The following SSH1 variants were observed in gnomAD, a reference collection of about 807,000 sequenced individuals.
SSH1 encodes slingshot protein phosphatase 1, also known as protein phosphatase Slingshot homolog 1.
SSH1 carries 43 observed loss-of-function variants against 79.7 expected under a neutral mutation model. That is an observed-to-expected ratio of 0.54 (90% CI 0.42 to 0.70). The LOEUF (loss-of-function observed/expected upper bound fraction) is 0.70, where lower values mean the gene tolerates loss of function less well. SSH1 is among the 30% of genes least tolerant of loss of function. SSH1 has a pLI of 0.00. For missense variants in SSH1, 1,206 were observed against 1,358.8 expected (o/e 0.89, Z 1.77); for synonymous variants, 599 against 538.3 (o/e 1.11, Z -1.56).
rs1054686623 is a variant in SSH1, at chr12:108,778,473, G to A, written c.*9515C>T. ...TCCTGGCTGTGTGTCCCTGACCCAC[G>A]TTACCTAACCTCTCTGAGCATCCAC... On this transcript the variant is annotated 3_prime_UTR_variant, in exon 15 of 15. Coordinates refer to ENST00000326495, the MANE Select transcript of SSH1 (RefSeq NM_018984.4). 2.0e-5 allele frequency: 3 copies of A among 152,276 alleles called. No individual in the cohort carries two copies. Among genetic ancestry groups the A allele is most frequent in the Admixed American group, 6.5e-5 (1 of 15,286 alleles). The allele number at this position is 152,276 out of a possible 1,614,324, so 9.4% of individuals were successfully genotyped here. A position where few individuals can be genotyped will look rare whatever the true frequency, so the allele number is the denominator to read the frequency against.
chr12:108,847,721 G>A (rs1468501744), intron 2 of SSH1, among the ~76,000 whole-genome samples: 1 of 152,162 alleles, frequency 6.6e-6, no homozygotes, highest in Non-Finnish European at 1.5e-5. Flanking sequence ...GCCTTCCAAA[G>A]TGCTGGGATT....
chr12:108,805,062 A>C lies in SSH1; in HGVS notation c.948T>G (p.Leu316=). 2 of 1,614,158 alleles carry C rather than the reference A, an allele frequency of 1.2e-6. No individual in the cohort carries two copies. Among genetic ancestry groups the C allele is most frequent in the South Asian group, 1.1e-5 (1 of 91,082 alleles). ...MDKPSLIFDH[L]YLGSEWNASN... is the part of the protein sequence containing the mutation. ...CCAGGGCCATGCCTCTTACGAGATA[A>C]AGATGATCGAAGATAAGGGAGGGCT... The change falls in exon 10 of 15, where the codon CTT becomes CTG. Residue 316 remains leucine, a synonymous_variant. Coordinates refer to ENST00000326495, the MANE Select transcript of SSH1 (RefSeq NM_018984.4).
At chr12:108,803,919 ACT>A (rs894726590) in intron 10 of SSH1, among the ~76,000 whole-genome samples, 23 of 152,060 alleles carry the variant, frequency 1.5e-4, no homozygotes, top group African/African-American at 5.1e-4. Flanking sequence ...CATATACATA[ACT>A]CTTAATTACT....
chr12:108,803,832 T>A (rs2037139790), intron 10 of SSH1, among the ~76,000 whole-genome samples: 1 of 152,160 alleles, frequency 6.6e-6, no homozygotes, highest in African/African-American at 2.4e-5. Flanking sequence ...AATCAATCAC[T>A]ATGAAATCTA....
intron 12 of SSH1, 147 bp from the exon 13 acceptor site, chr12:108,799,347 C>T (rs1403785092): frequency 1.8e-5 from 12 of 673,992 alleles, no homozygotes; most frequent in East Asian, 1.1e-4. Context: ...AATCCTCCTA[C>T]GTCTTAATGT....
chr12:108,811,408 C>T, intron 5 of SSH1, 80 bp from the exon 6 acceptor site: 1 of 1,356,066 alleles, frequency 7.4e-7, no homozygotes, highest in Non-Finnish European at 1.1e-6. Flanking sequence ...CCACCTGGTC[C>T]AGGACGGGCT....
intron 4 of SSH1, 27 bp from the exon 5 acceptor site, chr12:108,817,186 T>G (rs755310886): frequency 6.2e-7 from 1 of 1,612,260 alleles, no homozygotes; most frequent in African/African-American, 1.3e-5. Context: ...ATGCTCTCAC[T>G]AACCTGCCTT....
Position 108,824,299 on chromosome 12 carries a change from C to A in SSH1, c.111-938G>T, listed in dbSNP as rs149798482. Among the ~76,000 whole-genome samples, 465 of 152,048 alleles carry A rather than the reference C, an allele frequency of 3.1e-3. 2 individuals carry two copies. The highest frequency in any genetic ancestry group is 0.011 in the African/African-American group (447 of 41,454). On this transcript the variant is annotated intron_variant, in intron 2 of 14. Coordinates refer to ENST00000326495, the MANE Select transcript of SSH1 (RefSeq NM_018984.4). ...TCTCTACTAAAAATGCAAAAATTAG[C>A]CAGGCGTGGTGGCACATGCCTGTAA...
chr12:108,845,590 G>A (rs1391021266), intron 2 of SSH1, among the ~76,000 whole-genome samples: 1 of 152,242 alleles, frequency 6.6e-6, no homozygotes, highest in Non-Finnish European at 1.5e-5. Flanking sequence ...GGGAGGCTGA[G>A]GCAGGAGAAT....
intron 2 of SSH1, among the ~76,000 whole-genome samples, chr12:108,845,199 A>G (rs1450549769): frequency 3.7e-5 from 5 of 136,016 alleles, no homozygotes; most frequent in African/African-American, 8.6e-5. Flanking sequence ...ACAGAGCAGA[A>G]AAAAAAAAAA....
chr12:108,849,036 T>G (rs2038960636), intron 2 of SSH1, among the ~76,000 whole-genome samples: 1 of 152,070 alleles, frequency 6.6e-6, no homozygotes, highest in African/African-American at 2.4e-5. Context: ...ACTACTAACC[T>G]GGTCCCCAGA....
At chr12:108,791,400 G>A (rs117693103) in intron 14 of SSH1, among the ~76,000 whole-genome samples, 7,069 of 152,250 alleles carry the variant, frequency 0.046, 242 homozygotes, top group Non-Finnish European at 0.068. Context: ...GAGCTACCGC[G>A]TCTGGCCCTA....
chr12:108,834,953 CCACA>C (rs1243755065), intron 2 of SSH1, among the ~76,000 whole-genome samples: 1 of 152,188 alleles, frequency 6.6e-6, no homozygotes, highest in Non-Finnish European at 1.5e-5. Flanking sequence ...TGGGCACTCC[CCACA>C]CACAGGTTGA....
At chr12:108,796,065 G>C (rs920532839) in intron 13 of SSH1, among the ~76,000 whole-genome samples, 1 of 151,984 alleles carries the variant, frequency 6.6e-6, no homozygotes, top group Non-Finnish European at 1.5e-5. Flanking sequence ...ACAGGTGCAC[G>C]CCACCACACC....
chr12:108,786,696 C>T lies in SSH1; in HGVS notation c.*1292G>A, dbSNP rs2036284711. On this transcript the variant is annotated 3_prime_UTR_variant, in exon 15 of 15. Transcript: ENST00000326495. ...CAGGCCCTGTCTTAAAGAGGAAAAA[C>T]CATTCCTAGCTCACGGGGCCACATG... The T allele has an allele frequency of 6.6e-6, 1 of 152,174 alleles. No homozygotes were observed. Among genetic ancestry groups the T allele is most frequent in the South Asian group, 2.1e-4 (1 of 4,830 alleles). 9.4% of individuals were successfully genotyped at this position (152,174 alleles called of 1,614,324 possible).
rs1242507448 is a variant in SSH1 at position 108,785,356 on chromosome 12, A to C, written c.*2632T>G. The C allele has an allele frequency of 6.6e-6, 1 of 152,234 alleles. No homozygotes were observed. Among genetic ancestry groups the C allele is most frequent in the Non-Finnish European group, 1.5e-5 (1 of 68,094 alleles). 9.4% of individuals were successfully genotyped at this position (152,234 alleles called of 1,614,324 possible). A position where few individuals can be genotyped will look rare whatever the true frequency, so the allele number is the denominator to read the frequency against. On this transcript the variant is annotated 3_prime_UTR_variant, in exon 15 of 15. Coordinates refer to ENST00000326495, the MANE Select transcript of SSH1 (RefSeq NM_018984.4). ...AGGCTGGTCTAGAACTCCTGACCTC[A>C]GATGATCCGCCTGCCTCGGCCTCCC... is the stretch of plus-strand genomic sequence containing the variant.
intron 2 of SSH1, among the ~76,000 whole-genome samples, chr12:108,834,642 T>C (rs994370711): frequency 1.3e-5 from 2 of 152,210 alleles, no homozygotes; most frequent in African/African-American, 4.8e-5. Flanking sequence ...CCTTGGATAC[T>C]GAAGGAAAGA....
At chr12:108,827,459 G>T in intron 2 of SSH1, 1 of 1,298,432 alleles carries the variant, frequency 7.7e-7, no homozygotes, top group Non-Finnish European at 9.8e-7. Context: ...GCTTCCACGA[G>T]GGCTGGGGAG....
chr12:108,793,588 G>A (rs1456090547), intron 13 of SSH1, among the ~76,000 whole-genome samples: 3 of 151,846 alleles, frequency 2.0e-5, no homozygotes, highest in Non-Finnish European at 4.4e-5. Flanking sequence ...TAGTGACAGG[G>A]TCTTGCTATG....
Sources: gnomAD v4.1 joint callset for allele counts (sites outside exome capture counted in the v4.1 genomes callset) on GRCh38, gnomAD v4.1.1 for gene constraint, MANE v1.5 for transcripts, NCBI Gene and HGNC (gene_info 2026-07-23, HGNC 2026-07-21) for gene names.